P2RY12: variants seen among roughly 807,000 people sequenced by gnomAD.
P2RY12 encodes the protein P2Y purinoceptor 12.
Under a neutral mutation model 4.5 loss-of-function variants are expected in P2RY12, and 3 were observed. That is an observed-to-expected ratio of 0.67 (90% CI 0.31 to 1.74). The LOEUF is 1.74. Ranked by LOEUF, P2RY12 falls within the 40% of genes most tolerant of loss-of-function variation. P2RY12 has a pLI of 0.09. For synonymous variants in P2RY12, 148 were observed against 154.1 expected, an observed-to-expected ratio of 0.96 and a Z score of 0.29; for missense variants, 356 against 407.8, an observed-to-expected ratio of 0.87 and a Z score of 1.09.
intron 1 of P2RY12, chr3:151,356,112 C>A: frequency 1.4e-6 from 2 of 1,458,018 alleles, no homozygotes; most frequent in Non-Finnish European, 1.9e-6. Context: ...TTAAAGTGAG[C>A]CAATTAGCTG....
chr3:151,379,675 A>C (rs935449055), intron 1 of P2RY12, among the ~76,000 whole-genome samples: 1 of 152,224 alleles, frequency 6.6e-6, no homozygotes. Flanking sequence ...ACCCCAAAAC[A>C]AGCTCAACAG....
In P2RY12 at chr3:151,346,026, C is replaced by T. The variant is rs529551416; in HGVS notation, c.-179-5266G>A. Among the ~76,000 whole-genome samples, 5 of 152,266 alleles carry T rather than the reference C, an allele frequency of 3.3e-5. No homozygotes were observed. The East Asian group carries it at 5.8e-4, about 18-fold the overall frequency. On this transcript the variant is annotated intron_variant, in intron 1 of 2. Transcript: ENST00000302632. ...GCAGTGATTCTTTTCCAGCTCACTA[C>T]GTGCTGCTTTTGCTTTCAGTTTTAT...
At chr3:151,340,259 T>C (rs1437621379) in intron 2 of P2RY12, among the ~76,000 whole-genome samples, 1 of 152,218 alleles carries the variant, frequency 6.6e-6, no homozygotes, top group Non-Finnish European at 1.5e-5. Flanking sequence ...ACATTTTGTG[T>C]AGTCTGTAAG....
chr3:151,346,830 A>G (rs1752606769), intron 1 of P2RY12, among the ~76,000 whole-genome samples: 2 of 152,070 alleles, frequency 1.3e-5, no homozygotes, highest in Admixed American at 6.6e-5. Flanking sequence ...TATCAAACCA[A>G]TTACTGGACA....
intron 1 of P2RY12, chr3:151,356,178 T>C (rs753841936): frequency 5.9e-6 from 5 of 844,478 alleles, no homozygotes; most frequent in Non-Finnish European, 8.7e-6. Context: ...GGTAGGAGGA[T>C]TGCTTGAATC....
chr3:151,359,704 G>T (rs4679802), intron 1 of P2RY12, among the ~76,000 whole-genome samples: 2 of 152,050 alleles, frequency 1.3e-5, no homozygotes, highest in South Asian at 2.1e-4. Context: ...AGCTTTTTTC[G>T]TCTTTAATAA....
chr3:151,356,107 G>A (rs1753884687), intron 1 of P2RY12: 1 of 1,499,726 alleles, frequency 6.7e-7, no homozygotes, highest in South Asian at 1.3e-5. Context: ...GCAATTTAAA[G>A]TGAGCCAATT....
At chr3:151,380,597 CAA>C (rs56792030) in intron 1 of P2RY12, among the ~76,000 whole-genome samples, 53,894 of 112,836 alleles carry the variant, frequency 0.48, 10,075 homozygotes, top group Middle Eastern at 0.55. Flanking sequence ...AACTCTGTCT[CAA>C]AAAAAAAAAA....
intron 1 of P2RY12, among the ~76,000 whole-genome samples, chr3:151,381,518 T>C (rs988746608): frequency 6.6e-6 from 1 of 152,214 alleles, no homozygotes; most frequent in African/African-American, 2.4e-5. Context: ...GAGCAAATTC[T>C]CATTTCAGTG....
chr3:151,357,167 T>G, intron 1 of P2RY12: 1 of 1,462,256 alleles, frequency 6.8e-7, no homozygotes, highest in South Asian at 1.3e-5. Flanking sequence ...TTTTCTCTAT[T>G]TGTTTTGGCA....
At chr3:151,374,193 C>CAT (rs1253906675) in intron 1 of P2RY12, among the ~76,000 whole-genome samples, 1 of 151,430 alleles carries the variant, frequency 6.6e-6, no homozygotes, top group Non-Finnish European at 1.5e-5. Flanking sequence ...CATGGCCGGG[C>CAT]ATGTTAAATG....
At chr3:151,377,535 A>T (rs773876354) in intron 1 of P2RY12, among the ~76,000 whole-genome samples, 3 of 152,210 alleles carry the variant, frequency 2.0e-5, no homozygotes, top group Non-Finnish European at 4.4e-5. Context: ...TTTTGTGCAG[A>T]ATTAGAACCA....
chr3:151,378,155 A>G (rs754093067), intron 1 of P2RY12: 1 of 1,608,162 alleles, frequency 6.2e-7, no homozygotes, highest in Non-Finnish European at 8.5e-7. Context: ...AAGGAAAGGG[A>G]CAGACAGAAA....
At chr3:151,350,523 A>G (rs892293546) in intron 1 of P2RY12, among the ~76,000 whole-genome samples, 1 of 152,164 alleles carries the variant, frequency 6.6e-6, no homozygotes, top group African/African-American at 2.4e-5. Context: ...GTAATAAATG[A>G]AGTACTGAAG....
intron 1 of P2RY12, among the ~76,000 whole-genome samples, chr3:151,366,228 C>G (rs1755251532): frequency 6.6e-6 from 1 of 152,110 alleles, no homozygotes; most frequent in African/African-American, 2.4e-5. Context: ...CCAAGAATTT[C>G]TTTGTTTCCT....
At chr3:151,350,327 C>T in intron 1 of P2RY12, 2 of 867,578 alleles carry the variant, frequency 2.3e-6, no homozygotes, top group Non-Finnish European at 3.3e-6. Flanking sequence ...GAATGACTCT[C>T]ACATTGAAAT....
At chr3:151,377,278 G>A in intron 1 of P2RY12, 5 of 880,272 alleles carry the variant, frequency 5.7e-6, no homozygotes, top group Non-Finnish European at 5.2e-6. Flanking sequence ...ATAGGAATGT[G>A]AAGAACATAG....
intron 2 of P2RY12, among the ~76,000 whole-genome samples, chr3:151,339,274 G>A (rs773041211): frequency 6.6e-6 from 1 of 151,836 alleles, no homozygotes; most frequent in East Asian, 1.9e-4. Context: ...TCCCCCCAAC[G>A]TCCTTATTTC....
chr3:151,378,262 C>T, intron 1 of P2RY12: 4 of 1,271,608 alleles, frequency 3.1e-6, no homozygotes, highest in Non-Finnish European at 4.2e-6. Context: ...TCACTGTACC[C>T]ACAGTCCACT....
Sources: gnomAD v4.1 joint callset for allele counts (sites outside exome capture counted in the v4.1 genomes callset) on GRCh38, gnomAD v4.1.1 for gene constraint, MANE v1.5 for transcripts, NCBI Gene and HGNC (gene_info 2026-07-23, HGNC 2026-07-21) for gene names.